CRYL1: variants seen among roughly 807,000 people sequenced by gnomAD.
The protein encoded by CRYL1 is crystallin lambda 1, also known as lambda-crystallin homolog.
Under a neutral mutation model 36.6 loss-of-function variants are expected in CRYL1, and 29 were observed. That is an observed-to-expected ratio of 0.79 (90% CI 0.59 to 1.08). CRYL1 has a LOEUF of 1.08. Among genes scored for constraint, CRYL1 ranks in the 50% least tolerant of loss-of-function variants. The pLI is 0.00. For synonymous variants in CRYL1, 152 were observed against 151.5 expected, an observed-to-expected ratio of 1.00 and a Z score of -0.02; for missense variants, 411 against 407.9, an observed-to-expected ratio of 1.01 and a Z score of -0.06.
chr13:20,428,118 A>C (rs1352551808), intron 5 of CRYL1, among the ~76,000 whole-genome samples: 1 of 152,206 alleles, frequency 6.6e-6, no homozygotes, highest in African/African-American at 2.4e-5. Context: ...AAAAGTACAC[A>C]CAATCTCTTC....
At chr13:20,449,529 T>C in intron 3 of CRYL1, among the ~76,000 whole-genome samples, 1 of 152,118 alleles carries the variant, frequency 6.6e-6, no homozygotes, top group East Asian at 1.9e-4. Context: ...TTTAGCCACC[T>C]GTATGAATAA....
chr13:20,413,884 G>C (rs1771315971), intron 5 of CRYL1, among the ~76,000 whole-genome samples: 1 of 151,848 alleles, frequency 6.6e-6, no homozygotes, highest in African/African-American at 2.4e-5. Flanking sequence ...ATTATCATAT[G>C]TTATAAATGG....
At chr13:20,439,528 A>C (rs878989745) in intron 4 of CRYL1, 65 bp downstream of exon 4, 3 of 1,024,982 alleles carry the variant, frequency 2.9e-6, no homozygotes, top group Non-Finnish European at 4.0e-6. Context: ...AAAAAAAAAA[A>C]AAGAAAAAAA....
intron 4 of CRYL1, among the ~76,000 whole-genome samples, chr13:20,436,824 G>T (rs1478709277): frequency 6.6e-6 from 1 of 152,052 alleles, no homozygotes; most frequent in Non-Finnish European, 1.5e-5. Flanking sequence ...CCTATTTTTG[G>T]CCCAGGCAGA....
chr13:20,522,526 A>G (rs562225006), intron 1 of CRYL1, among the ~76,000 whole-genome samples: 2 of 152,314 alleles, frequency 1.3e-5, no homozygotes, highest in South Asian at 4.1e-4. Context: ...AAAAATAAGC[A>G]GTCTCTGTTA....
rs1555226402 is a variant in CRYL1 at position 20,420,701 on chromosome 13, TTGTGTGTG to T, written c.634-7322_634-7315del. ...CTTTGACTTTTCTTTAAAATAGAGG[TTGTGTGTG>T]TGTGTGTGTGTGTGTGTGTGTGTGT... On this transcript the variant is annotated intron_variant, in intron 5 of 7. Transcript: ENST00000298248. Among the ~76,000 whole-genome samples the T allele has an allele frequency of 3.1e-3, 67 of 21,866 alleles. 4 individuals are homozygous for T. In the Middle Eastern group the frequency reaches 0.083, roughly 27 times the overall value. The allele number at this position is 21,866 out of a possible 152,430, so 14.3% of individuals were successfully genotyped here.
intron 1 of CRYL1, among the ~76,000 whole-genome samples, chr13:20,520,592 T>C (rs1350943641): frequency 6.6e-6 from 1 of 152,126 alleles, no homozygotes; most frequent in Non-Finnish European, 1.5e-5. Context: ...AGTCTTGAGA[T>C]TGGCCCCTTC....
rs199857831 is a variant in CRYL1 at position 20,489,543 on chromosome 13, T to C, written c.150-47A>G. ...TCACTGTGAGTATTCAACACCACAT[T>C]TAAAAACAGATAAAGCCCAACATCA... On this transcript the variant is annotated intron_variant, in intron 2 of 7. Transcript: ENST00000298248. The C allele has an allele frequency of 5.2e-5, 83 of 1,603,210 alleles. 1 individual carries two copies. The highest frequency in any genetic ancestry group is 1.7e-4 in the Middle Eastern group (1 of 6,054).
At chr13:20,421,075 AAT>A (rs2031800141) in intron 5 of CRYL1, among the ~76,000 whole-genome samples, 2 of 139,060 alleles carry the variant, frequency 1.4e-5, no homozygotes, top group Admixed American at 1.5e-4. Flanking sequence ...CAAAAAAAAA[AAT>A]GGAAAGGAAA....
chr13:20,489,705 C>G (rs2033472437), intron 2 of CRYL1, among the ~76,000 whole-genome samples: 1 of 152,168 alleles, frequency 6.6e-6, no homozygotes, highest in Admixed American at 6.6e-5. Flanking sequence ...GCTGGTGAGA[C>G]TGTAAAATGG....
At chr13:20,427,382 C>T (rs1048415488) in intron 5 of CRYL1, 27 of 896,234 alleles carry the variant, frequency 3.0e-5, no homozygotes, top group African/African-American at 5.4e-5. Context: ...CTTGGCTATC[C>T]GGGTGTCCAT....
At chr13:20,412,450 C>A (rs1565955503) in intron 6 of CRYL1, among the ~76,000 whole-genome samples, 1 of 152,082 alleles carries the variant, frequency 6.6e-6, no homozygotes. Flanking sequence ...ATAACACAGA[C>A]AAGCAAAAAG....
At chr13:20,431,897 C>A (rs539282609) in intron 5 of CRYL1, 3 of 1,512,506 alleles carry the variant, frequency 2.0e-6, no homozygotes, top group East Asian at 2.5e-5. Flanking sequence ...ACCTCTCAGG[C>A]AGACAGTGAA....
intron 3 of CRYL1, among the ~76,000 whole-genome samples, chr13:20,476,708 G>A (rs1296226908): frequency 5.9e-5 from 9 of 152,256 alleles, no homozygotes; most frequent in Non-Finnish European, 8.8e-5. Context: ...CCAGATTCCC[G>A]CTTATGCCTC....
intron 1 of CRYL1, among the ~76,000 whole-genome samples, chr13:20,518,170 A>G (rs1412648226): frequency 6.6e-6 from 1 of 152,056 alleles, no homozygotes; most frequent in Non-Finnish European, 1.5e-5. Flanking sequence ...GGAAATACGT[A>G]AAGGGCACCT....
chr13:20,511,432 G>A (rs2033916733), intron 2 of CRYL1, among the ~76,000 whole-genome samples: 2 of 152,012 alleles, frequency 1.3e-5, no homozygotes, highest in Admixed American at 6.6e-5. Flanking sequence ...CCCTCGCATT[G>A]ACTATTTGTA....
At chr13:20,499,963 G>A (rs2033675439) in intron 2 of CRYL1, among the ~76,000 whole-genome samples, 1 of 152,162 alleles carries the variant, frequency 6.6e-6, no homozygotes, top group African/African-American at 2.4e-5. Context: ...ACTGTCCAGG[G>A]CTTGTTTCTT....
intron 3 of CRYL1, among the ~76,000 whole-genome samples, chr13:20,476,470 T>C (rs1389869706): frequency 6.6e-6 from 1 of 152,078 alleles, no homozygotes; most frequent in Non-Finnish European, 1.5e-5. Context: ...GAAAGAAACC[T>C]TTTGATTTCC....
At chr13:20,485,340 A>G (rs1224462774) in intron 3 of CRYL1, among the ~76,000 whole-genome samples, 1 of 152,136 alleles carries the variant, frequency 6.6e-6, no homozygotes, top group African/African-American at 2.4e-5. Context: ...TTTAAAATTC[A>G]GAGGATTAAA....
Sources: allele counts gnomAD v4.1 joint callset (sites outside exome capture counted in the v4.1 genomes callset), GRCh38; gene constraint gnomAD v4.1.1; transcripts MANE v1.5; gene names NCBI Gene and HGNC (gene_info 2026-07-23, HGNC 2026-07-21).